The following STS variants were observed in gnomAD, a reference collection of about 807,000 sequenced individuals.
The protein encoded by STS is steroid sulfatase, also known as steryl-sulfatase.
STS carries 7 observed loss-of-function variants against 26.8 expected under a neutral mutation model. That is an observed-to-expected ratio of 0.26 (90% CI 0.15 to 0.49). The LOEUF is 0.49. Ranked by LOEUF, STS falls within the 20% of genes least tolerant of loss-of-function variation. The pLI is 0.98. For missense variants in STS, 434 were observed against 465.6 expected (o/e 0.93, Z 0.63); for synonymous variants, 199 against 189.4 (o/e 1.05, Z -0.42).
intron 8 of STS, among the ~76,000 whole-genome samples, chrX:7,310,200 C>T (rs1311509535): frequency 8.9e-6 from 1 of 112,223 alleles, no homozygotes; most frequent in African/African-American, 3.2e-5. Context: ...CACTGAACAT[C>T]CCATAGCCTG....
rs143103489 is a variant in STS, at chrX:7,285,954, C to T, written c.943+9867C>T. Reference sequence around the variant, plus strand: ...ACCATATTACTGTTGTTTCAGCTTACGAGGCATATTTTAAATATTCAGCCA... The same window carrying T: ...ACCATATTACTGTTGTTTCAGCTTATGAGGCATATTTTAAATATTCAGCCA... On this transcript the variant is annotated intron_variant, in intron 7 of 10. Transcript: ENST00000674429. Among the ~76,000 whole-genome samples the T allele has an allele frequency of 1.2e-4, 13 of 111,718 alleles. 1 individual carries two copies. Among genetic ancestry groups the T allele is most frequent in the African/African-American group, 3.9e-4 (12 of 30,822 alleles).
intron 2 of STS, among the ~76,000 whole-genome samples, chrX:7,195,212 A>G (rs1933951210): frequency 8.9e-6 from 1 of 111,852 alleles, no homozygotes; most frequent in African/African-American, 3.3e-5. Flanking sequence ...CAAGAAGTGC[A>G]TTTAGAACTT....
chrX:7,181,928 A>T (rs1249877482), intron 1 of STS, among the ~76,000 whole-genome samples: 4 of 110,755 alleles, frequency 3.6e-5, no homozygotes, highest in African/African-American at 1.3e-4. Flanking sequence ...ACAAAAAAAT[A>T]TACAAATCGG....
At chrX:7,228,315 G>A (rs1367734993) in intron 2 of STS, among the ~76,000 whole-genome samples, 1 of 111,554 alleles carries the variant, frequency 9.0e-6, no homozygotes, top group Non-Finnish European at 1.9e-5. Context: ...GTTTTTCGTA[G>A]CAACAGCACC....
chrX:7,227,958 A>C (rs1190239292), intron 2 of STS, among the ~76,000 whole-genome samples: 2 of 112,007 alleles, frequency 1.8e-5, no homozygotes, highest in Non-Finnish European at 3.8e-5. Flanking sequence ...TGTAAGTGGA[A>C]TCATACAGAA....
intron 2 of STS, among the ~76,000 whole-genome samples, chrX:7,197,054 C>G (rs1366764394): frequency 1.8e-5 from 2 of 110,604 alleles, no homozygotes; most frequent in East Asian, 5.7e-4. Context: ...TTTCTTTTAC[C>G]CCATCAGGCA....
intron 2 of STS, among the ~76,000 whole-genome samples, chrX:7,214,491 T>C (rs1160885835): frequency 8.9e-6 from 1 of 112,310 alleles, no homozygotes; most frequent in African/African-American, 3.2e-5. Flanking sequence ...TTCTCTTCCC[T>C]TGTGGAATGA....
chrX:7,290,670 G>T (rs1305309989), intron 7 of STS, among the ~76,000 whole-genome samples: 1 of 111,863 alleles, frequency 8.9e-6, no homozygotes, highest in African/African-American at 3.3e-5. Flanking sequence ...GGCAGCAGCG[G>T]TGCCAAGAAA....
At chrX:7,162,169 G>A (rs1357003953) in intron 1 of STS, among the ~76,000 whole-genome samples, 3 of 110,915 alleles carry the variant, frequency 2.7e-5, no homozygotes, top group African/African-American at 9.8e-5. Context: ...CTTAAAATTC[G>A]AGCCTTGGTT....
intron 2 of STS, among the ~76,000 whole-genome samples, chrX:7,224,447 C>A (rs1921715000): frequency 9.0e-6 from 1 of 110,765 alleles, no homozygotes; most frequent in South Asian, 4.0e-4. Flanking sequence ...ATTCTAACCC[C>A]CAAGATGATG....
chrX:7,236,762 A>T (rs1195960898), intron 2 of STS, among the ~76,000 whole-genome samples: 1 of 112,108 alleles, frequency 8.9e-6, no homozygotes, highest in African/African-American at 3.2e-5. Context: ...TAAGCCAATT[A>T]ATTAGAGCTC....
chrX:7,201,251 A>G (rs1226625100), intron 2 of STS, among the ~76,000 whole-genome samples: 1 of 111,667 alleles, frequency 9.0e-6, no homozygotes, highest in Non-Finnish European at 1.9e-5. Flanking sequence ...GATGTCAGAT[A>G]GATGGATGGA....
At chrX:7,217,968 A>G (rs753495191) in intron 2 of STS, among the ~76,000 whole-genome samples, 4 of 111,935 alleles carry the variant, frequency 3.6e-5, no homozygotes, top group Admixed American at 9.5e-5. Flanking sequence ...GTGAGCCCCT[A>G]AAAAGGCCTT....
At chrX:7,277,248 AT>A (rs1203126628) in intron 7 of STS, among the ~76,000 whole-genome samples, 1 of 111,646 alleles carries the variant, frequency 9.0e-6, no homozygotes, top group African/African-American at 3.3e-5. Context: ...GTTCCTGAAG[AT>A]TTTCATATAT....
intron 1 of STS, among the ~76,000 whole-genome samples, chrX:7,189,898 A>G (rs777314704): frequency 1.1e-4 from 12 of 111,181 alleles, no homozygotes; most frequent in Admixed American, 9.6e-4. Context: ...TCCTTGTGGC[A>G]GTGGTGTAAG....
intron 2 of STS, among the ~76,000 whole-genome samples, chrX:7,225,041 C>T (rs1485311239): frequency 8.9e-6 from 1 of 111,981 alleles, no homozygotes; most frequent in African/African-American, 3.3e-5. Context: ...ATTGGGAAGC[C>T]GATTAAACTT....
intron 2 of STS, among the ~76,000 whole-genome samples, chrX:7,242,251 T>G (rs982091069): frequency 9.0e-6 from 1 of 111,076 alleles, no homozygotes; most frequent in African/African-American, 3.3e-5. Flanking sequence ...ATTAGTGTAC[T>G]TATTATACTC....
intron 8 of STS, among the ~76,000 whole-genome samples, chrX:7,312,983 C>T (rs1460644858): frequency 2.7e-5 from 3 of 111,708 alleles, no homozygotes; most frequent in Non-Finnish European, 3.8e-5. Flanking sequence ...TTTGCCTTTT[C>T]CTCATACTAC....
intron 10 of STS, among the ~76,000 whole-genome samples, chrX:7,346,016 G>T (rs1218988890): frequency 9.0e-6 from 1 of 111,270 alleles, no homozygotes; most frequent in Admixed American, 9.5e-5. Context: ...CTGTTCCAGG[G>T]TCAGAAGCCC....
Sources: allele counts gnomAD v4.1 joint callset (sites outside exome capture counted in the v4.1 genomes callset), GRCh38; gene constraint gnomAD v4.1.1; transcripts MANE v1.5; gene names NCBI Gene and HGNC (gene_info 2026-07-23, HGNC 2026-07-21).